Variants in RFPL1 observed in about 807,000 individuals in gnomAD.
RFPL1 encodes ret finger protein like 1, also known as ret finger protein-like 1.
Under a neutral mutation model 9.6 loss-of-function variants are expected in RFPL1, and 6 were observed. The observed-to-expected ratio is 0.62, with a 90% CI of 0.34 to 1.23. The LOEUF is 1.23. Ranked by LOEUF, RFPL1 falls within the 50% of genes most tolerant of loss-of-function variation. The probability of loss-of-function intolerance (pLI) is 0.03; values close to 1 mark genes in which losing one functional copy is unlikely to be tolerated. For missense variants in RFPL1, 352 were observed against 398.4 expected, an observed-to-expected ratio of 0.88 and a Z score of 0.99; for synonymous variants, 145 against 149.4, an observed-to-expected ratio of 0.97 and a Z score of 0.22.
At chr22:29,421,138 G>A in the RFPL1 span, among the ~76,000 whole-genome samples, 3 of 152,132 alleles carry the variant, frequency 2.0e-5, no homozygotes, top group Non-Finnish European at 2.9e-5. Context: ...CAAAGCCCAT[G>A]CTCTCAATCC....
the RFPL1 span, among the ~76,000 whole-genome samples, chr22:29,410,300 A>C: frequency 1.6e-4 from 16 of 100,450 alleles, no homozygotes; most frequent in East Asian, 4.0e-3. Flanking sequence ...ATATGTAGAT[A>C]TATATCTATA....
the RFPL1 span, among the ~76,000 whole-genome samples, chr22:29,413,843 C>T: frequency 6.6e-6 from 1 of 152,192 alleles, no homozygotes; most frequent in African/African-American, 2.4e-5. Flanking sequence ...AATGTTTACA[C>T]ACAGAATTTT....
At chr22:29,420,760 C>T in the RFPL1 span, among the ~76,000 whole-genome samples, 2 of 150,096 alleles carry the variant, frequency 1.3e-5, no homozygotes, top group Non-Finnish European at 3.0e-5. Context: ...CCTGCCTCAA[C>T]CTCCCAGATA....
the RFPL1 span, among the ~76,000 whole-genome samples, chr22:29,400,069 C>G: frequency 6.8e-3 from 1,013 of 149,938 alleles, 11 homozygotes; most frequent in African/African-American, 0.024. Flanking sequence ...GATCTCGGCT[C>G]ACTGCAAGCT....
upstream of RFPL1, chr22:29,437,323 T>C (rs771183307): frequency 3.3e-5 from 10 of 303,420 alleles, no homozygotes; most frequent in Middle Eastern, 1.0e-3. Flanking sequence ...AATCCAATCA[T>C]ACTTAATACT....
upstream of RFPL1, among the ~76,000 whole-genome samples, chr22:29,436,036 A>G (rs1459869251): frequency 6.6e-6 from 1 of 152,014 alleles, no homozygotes; most frequent in Non-Finnish European, 1.5e-5. Flanking sequence ...GTGGGTATAG[A>G]GGCTGGGAGG....
the RFPL1 span, among the ~76,000 whole-genome samples, chr22:29,410,656 A>C: frequency 1.5e-4 from 21 of 137,394 alleles, no homozygotes; most frequent in South Asian, 4.4e-4. Flanking sequence ...ATCTATCTAT[A>C]TATATATTTT....
the RFPL1 span, among the ~76,000 whole-genome samples, chr22:29,418,018 G>C: frequency 1.4e-5 from 2 of 147,588 alleles, no homozygotes; most frequent in Non-Finnish European, 3.0e-5. Flanking sequence ...TGCAGCCTCT[G>C]CCTCCTGGGT....
At chr22:29,391,425 C>T in the RFPL1 span, among the ~76,000 whole-genome samples, 1 of 152,070 alleles carries the variant, frequency 6.6e-6, no homozygotes, top group Non-Finnish European at 1.5e-5. Flanking sequence ...AACTGCCCTT[C>T]TCTGATGATA....
chr22:29,430,779 T>C, the RFPL1 span, among the ~76,000 whole-genome samples: 1 of 152,184 alleles, frequency 6.6e-6, no homozygotes, highest in Admixed American at 6.5e-5. Context: ...CATAGATTAA[T>C]CTTAATGCCA....
the RFPL1 span, among the ~76,000 whole-genome samples, chr22:29,431,222 C>G: frequency 6.6e-6 from 1 of 152,056 alleles, no homozygotes; most frequent in Non-Finnish European, 1.5e-5. Flanking sequence ...CTACCAAGGG[C>G]AGGTATTAGA....
At chr22:29,411,866 A>C in the RFPL1 span, among the ~76,000 whole-genome samples, 15,022 of 152,018 alleles carry the variant, frequency 0.099, 1,203 homozygotes, top group South Asian at 0.28. Context: ...AAATGAGGCT[A>C]TTTTCTTATG....
the RFPL1 span, among the ~76,000 whole-genome samples, chr22:29,431,945 GC>G: frequency 6.6e-6 from 1 of 152,064 alleles, no homozygotes; most frequent in Non-Finnish European, 1.5e-5. Flanking sequence ...ACCCACCTCG[GC>G]CTCCCAAAGT....
the RFPL1 span, among the ~76,000 whole-genome samples, chr22:29,421,990 A>G: frequency 6.6e-6 from 1 of 152,166 alleles, no homozygotes; most frequent in Non-Finnish European, 1.5e-5. Context: ...CTGATCCAAC[A>G]ACAGACTCTT....
At chr22:29,407,196 G>T in the RFPL1 span, among the ~76,000 whole-genome samples, 1 of 151,868 alleles carries the variant, frequency 6.6e-6, no homozygotes, top group African/African-American at 2.4e-5. Context: ...CCAGGTTCAG[G>T]GGATCCTTCC....
chr22:29,401,037 C>T, the RFPL1 span, among the ~76,000 whole-genome samples: 3 of 152,210 alleles, frequency 2.0e-5, no homozygotes, highest in Non-Finnish European at 2.9e-5. Flanking sequence ...CTTCATGCCA[C>T]GTACATTTCC....
the RFPL1 span, among the ~76,000 whole-genome samples, chr22:29,421,764 GC>G: frequency 1.3e-5 from 2 of 150,280 alleles, no homozygotes; most frequent in Non-Finnish European, 3.0e-5. Context: ...CATCGATCTG[GC>G]CAGCTCCACC....
chr22:29,434,498 G>T, upstream of RFPL1: 1 of 158,434 alleles, frequency 6.3e-6, no homozygotes. Context: ...GAAGACCTGT[G>T]GAGTGTCCAT....
the RFPL1 span, among the ~76,000 whole-genome samples, chr22:29,400,719 T>A: frequency 6.6e-6 from 1 of 152,146 alleles, no homozygotes; most frequent in Non-Finnish European, 1.5e-5. Flanking sequence ...TCAGTTGATG[T>A]CTTTACTTTC....
Sources: gnomAD v4.1 joint callset for allele counts (sites outside exome capture counted in the v4.1 genomes callset) on GRCh38, gnomAD v4.1.1 for gene constraint, MANE v1.5 for transcripts, NCBI Gene and HGNC (gene_info 2026-07-23, HGNC 2026-07-21) for gene names.